The following CLN8 variants were observed in gnomAD, a reference collection of about 807,000 sequenced individuals.
The protein encoded by CLN8 is CLN8 transmembrane ER and ERGIC protein, also known as protein CLN8.
In CLN8, 14 loss-of-function variants were observed where a neutral mutation model predicts 15.7. The observed-to-expected ratio is 0.89, with a 90% CI of 0.59 to 1.39. The LOEUF (loss-of-function observed/expected upper bound fraction) is 1.39, where lower values mean the gene tolerates loss of function less well. Ranked by LOEUF, CLN8 falls within the 40% of genes most tolerant of loss-of-function variation. The pLI, the probability that CLN8 is intolerant of heterozygous loss-of-function variation, is 0.00. For synonymous variants in CLN8, 188 were observed against 151.0 expected (o/e 1.25, Z -1.80); for missense variants, 415 against 364.0 (o/e 1.14, Z -1.14).
chr8:1,776,531 C>T lies in CLN8; in HGVS notation c.544-3719C>T, dbSNP rs145806189. Among the ~76,000 whole-genome samples, 12 of 151,522 alleles carry T rather than the reference C, an allele frequency of 7.9e-5. No individual in the cohort carries two copies. The East Asian group carries it at 2.2e-3, about 27-fold the overall frequency. On this transcript the variant is annotated intron_variant, in intron 2 of 2. Coordinates refer to ENST00000331222, the MANE Select transcript of CLN8 (RefSeq NM_018941.4). Reference sequence around the variant, plus strand: ...GGCCTTGCTCCAGTACACACACACACGTGATGACAGAAGGTTCTGGAATCT... The same window carrying T: ...GGCCTTGCTCCAGTACACACACACATGTGATGACAGAAGGTTCTGGAATCT...
chr8:1,775,036 G>GTA (rs924134684), intron 2 of CLN8, among the ~76,000 whole-genome samples: 1 of 152,084 alleles, frequency 6.6e-6, no homozygotes, highest in African/African-American at 2.4e-5. Flanking sequence ...ACATGTGTGT[G>GTA]TATATATATG....
At chr8:1,763,985 G>A in intron 1 of CLN8, 100 bp downstream of exon 1, 1 of 80,454 alleles carries the variant, frequency 1.2e-5, no homozygotes, top group Non-Finnish European at 3.1e-5. Context: ...GAACCCAGGT[G>A]AGGGGCAGCC....
intron 2 of CLN8, chr8:1,773,859 CA>C (rs1016227725): frequency 6.6e-6 from 1 of 152,246 alleles, no homozygotes; most frequent in Admixed American, 6.5e-5. Context: ...CGCTCACTCA[CA>C]TCGATGCCCT....
Position 1,784,993 on chromosome 8 carries a change from TG to T in CLN8, c.*4430del, listed in dbSNP as rs139270315. ...AGGGTCAGCTGCCTTTCCTTCATGC[TG>T]GGGAGGAGATGTTGTGTGCATGTGA... On this transcript the variant is annotated 3_prime_UTR_variant, in exon 3 of 3. Transcript: ENST00000331222. 10,571 of 152,586 alleles carry T rather than the reference TG, an allele frequency of 0.069. 434 individuals are homozygous for T. The highest frequency in any genetic ancestry group is 0.098 in the Non-Finnish European group (6,690 of 68,200). 9.5% of individuals were successfully genotyped at this position (152,586 alleles called of 1,614,324 possible).
intron 2 of CLN8, among the ~76,000 whole-genome samples, chr8:1,777,053 T>C (rs7006711): frequency 1 from 151,946 of 152,306 alleles, 75,802 homozygotes; most frequent in Middle Eastern, 1. Flanking sequence ...TAGGCTATTT[T>C]GTCATCGAGT....
chr8:1,753,804 T>A (rs1374917276), upstream of CLN8, among the ~76,000 whole-genome samples: 3 of 151,104 alleles, frequency 2.0e-5, no homozygotes, highest in South Asian at 2.1e-4. Context: ...GAGAATTGCT[T>A]GAACCCGGGA....
chr8:1,778,915 C>T (rs1025877265), intron 2 of CLN8, among the ~76,000 whole-genome samples: 5 of 152,190 alleles, frequency 3.3e-5, no homozygotes, highest in Non-Finnish European at 5.9e-5. Context: ...TGTGCAGCCT[C>T]CCGAACATCA....
chr8:1,776,477 G>T lies in CLN8; in HGVS notation c.544-3773G>T, dbSNP rs1585146062. Among the ~76,000 whole-genome samples the T allele has an allele frequency of 5.8e-5, 3 of 51,836 alleles. No individual in the cohort carries two copies. The East Asian group carries it at 1.3e-3, about 23-fold the overall frequency. 34.0% of individuals were successfully genotyped at this position (51,836 alleles called of 152,430 possible). On this transcript the variant is annotated intron_variant, in intron 2 of 2. Transcript: ENST00000331222. ...ACATGATGATAGAAGGTTCTGGAAGGTGAAATCTGTGCGGGCAGATGTGTG... is the reference window on the plus strand; with the variant it reads ...ACATGATGATAGAAGGTTCTGGAAGTTGAAATCTGTGCGGGCAGATGTGTG...
Position 1,786,183 on chromosome 8 carries a change from C to G in CLN8, c.*5616C>G, listed in dbSNP as rs1421610463. 3 of 152,476 alleles carry G rather than the reference C, an allele frequency of 2.0e-5. No homozygotes were observed. The highest frequency in any genetic ancestry group is 4.4e-5 in the Non-Finnish European group (3 of 68,302). 9.4% of individuals were successfully genotyped at this position (152,476 alleles called of 1,614,324 possible). A position where few individuals can be genotyped will look rare whatever the true frequency, so the allele number is the denominator to read the frequency against. ...GTGATTTTGTGTGACATGCCAGCAG[C>G]CTGGCTCCCAGGACAGGAGGCCTGC... On this transcript the variant is annotated 3_prime_UTR_variant, in exon 3 of 3. Transcript: ENST00000331222.
chr8:1,764,062 A>T (rs1355555615), intron 1 of CLN8, 177 bp downstream of exon 1: 1 of 149,310 alleles, frequency 6.7e-6, no homozygotes, highest in Non-Finnish European at 1.5e-5. Flanking sequence ...CGGGGATCCC[A>T]GGTGAGGGGC....
upstream of CLN8, among the ~76,000 whole-genome samples, chr8:1,753,413 A>T (rs1451366238): frequency 6.6e-6 from 1 of 152,032 alleles, no homozygotes; most frequent in Non-Finnish European, 1.5e-5. Flanking sequence ...TCTACTAAAA[A>T]TACAAAAATT....
intron 1 of CLN8, chr8:1,765,017 G>T (rs1800991030): frequency 6.6e-6 from 1 of 152,208 alleles, no homozygotes; most frequent in African/African-American, 2.4e-5. Context: ...GGGAATATGA[G>T]ATGGCCACAG....
At chr8:1,771,921 T>G (rs1801322767) in intron 2 of CLN8, among the ~76,000 whole-genome samples, 1 of 102,022 alleles carries the variant, frequency 9.8e-6, no homozygotes, top group African/African-American at 3.7e-5. Flanking sequence ...TTCCTTTCTT[T>G]TAATACTATA....
intron 1 of CLN8, among the ~76,000 whole-genome samples, chr8:1,756,626 A>G (rs1751104663): frequency 7.0e-6 from 1 of 141,894 alleles, no homozygotes; most frequent in Non-Finnish European, 1.5e-5. Flanking sequence ...TAGTAACAGG[A>G]TGAAAAATAA....
intron 1 of CLN8, among the ~76,000 whole-genome samples, chr8:1,766,846 T>C (rs756987692): frequency 2.6e-5 from 4 of 152,062 alleles, no homozygotes; most frequent in Non-Finnish European, 2.9e-5. Flanking sequence ...TGAGAGGGTG[T>C]GGTTGGGTCA....
In CLN8 at chr8:1,767,454, A is replaced by G. The variant is rs910329887; in HGVS notation, c.-123-3478A>G. The stretch of plus-strand genomic sequence containing the variant: ...GTAATCTCTCCAAAAAGATATCTAG[A>G]AAGCTTGAAGACCTGGTAGCTATTT... On this transcript the variant is annotated intron_variant, in intron 1 of 2. Transcript: ENST00000331222. 2.6e-5 allele frequency among the ~76,000 whole-genome samples: 4 copies of G among 152,150 alleles called. No homozygotes were observed. The East Asian group carries it at 7.7e-4, about 29-fold the overall frequency.
rs545138667 is a variant in CLN8 at position 1,772,922 on chromosome 8, A to G, written c.543+1325A>G. 328 of 398,624 alleles carry G rather than the reference A, an allele frequency of 8.2e-4. 2 individuals carry two copies. The Admixed American group carries it at 0.014, about 17-fold the overall frequency. The allele number at this position is 398,624 out of a possible 1,614,324, so 24.7% of individuals were successfully genotyped here. Reference sequence around the variant, plus strand: ...ATGTTACTGCACATTTCTTGTCTACAGGAGACTGGTAGCCTCGAGAGGAAA... The same window carrying G: ...ATGTTACTGCACATTTCTTGTCTACGGGAGACTGGTAGCCTCGAGAGGAAA... On this transcript the variant is annotated intron_variant, in intron 2 of 2. Coordinates refer to ENST00000331222, the MANE Select transcript of CLN8 (RefSeq NM_018941.4).
chr8:1,762,441 C>G (rs916831955), upstream of CLN8: 3 of 152,162 alleles, frequency 2.0e-5, no homozygotes, highest in Non-Finnish European at 4.4e-5. Flanking sequence ...CACCCTGGCT[C>G]TCCTAGGTTC....
chr8:1,760,766 G>A (rs1388989776), upstream of CLN8, among the ~76,000 whole-genome samples: 1 of 152,184 alleles, frequency 6.6e-6, no homozygotes, highest in Non-Finnish European at 1.5e-5. Flanking sequence ...GCGCAGGGAG[G>A]AACTCAAGGC....
Sources: allele counts gnomAD v4.1 joint callset (sites outside exome capture counted in the v4.1 genomes callset), GRCh38; gene constraint gnomAD v4.1.1; transcripts MANE v1.5; gene names NCBI Gene and HGNC (gene_info 2026-07-23, HGNC 2026-07-21).